Variants in NPC1 observed in about 807,000 individuals in gnomAD.
NPC1 encodes NPC intracellular cholesterol transporter 1.
In NPC1, 85 loss-of-function variants were observed where a neutral mutation model predicts 140.4. That is an observed-to-expected ratio of 0.61 (90% CI 0.51 to 0.72). The LOEUF is 0.72. NPC1 is among the 30% of genes least tolerant of loss of function. The pLI, the probability that NPC1 is intolerant of heterozygous loss-of-function variation, is 0.00. For synonymous variants in NPC1, 656 were observed against 624.8 expected (o/e 1.05, Z -0.74); for missense variants, 1,504 against 1,623.8 (o/e 0.93, Z 1.27).
intron 3 of NPC1, 112 bp downstream of exon 3, chr18:23,571,962 T>C (rs2059210505): frequency 1.9e-6 from 1 of 516,100 alleles, no homozygotes; most frequent in East Asian, 4.1e-5. Context: ...ATACATATAA[T>C]ATAGACATAT....
At chr18:23,539,304 A>G (rs1334494493) in intron 19 of NPC1, 51 bp downstream of exon 19, 1 of 1,331,464 alleles carries the variant, frequency 7.5e-7, no homozygotes, top group East Asian at 2.3e-5. Flanking sequence ...TTAAATGATA[A>G]TTTGAAAATT....
At chr18:23,527,162 T>C (rs369061098), downstream of NPC1, among the ~76,000 whole-genome samples, 1 of 145,984 alleles carries the variant, frequency 6.9e-6, no homozygotes. Flanking sequence ...AGCAGGAGGA[T>C]TGCCTGAGCC....
At chr18:23,547,550 G>A (rs1396386048) in intron 11 of NPC1, among the ~76,000 whole-genome samples, 1 of 152,118 alleles carries the variant, frequency 6.6e-6, no homozygotes, top group Non-Finnish European at 1.5e-5. Context: ...AGACCAGCCT[G>A]GGCACCATGG....
chr18:23,554,372 G>A (rs534260807), intron 9 of NPC1, among the ~76,000 whole-genome samples: 3 of 152,314 alleles, frequency 2.0e-5, no homozygotes, highest in East Asian at 1.9e-4. Context: ...TTGGGAGGCC[G>A]AGGTGGGCGG....
chr18:23,533,443 C>T lies in NPC1; in HGVS notation c.3666G>A (p.Gln1222=), dbSNP rs2058572490. The part of the protein sequence containing the change: ...VLAFAKSQIF[Q]IFYFRMYLAM... ...CCAAATACATCCTGAAGTAGAATAT[C>T]TGGAAAATTTGAGATTTGGCAAAAG... The change falls in exon 24 of 25, where the codon CAG becomes CAA. Residue 1222 remains glutamine, a synonymous_variant. Coordinates refer to ENST00000269228, the MANE Select transcript of NPC1 (RefSeq NM_000271.5). 1 of 1,614,162 alleles carries T rather than the reference C, an allele frequency of 6.2e-7. No homozygotes were observed. Among genetic ancestry groups the T allele is most frequent in the Non-Finnish European group, 8.5e-7 (1 of 1,180,006 alleles).
chr18:23,507,110 A>G lies in NPC1; in HGVS notation c.432-468T>C, dbSNP rs2057735026. On this transcript the variant is annotated intron_variant, in intron 3 of 3. Coordinates refer to the NPC1 transcript ENST00000591107. ...AGGGCATTAGAAATACATTTGGAAG[A>G]GAAGGAATCGCAAATTTTCAGTGTT... 5.5e-6 allele frequency: 7 copies of G among 1,283,058 alleles called. 1 individual carries two copies. In the South Asian group the frequency reaches 9.1e-5, roughly 17 times the overall value. The allele number at this position is 1,283,058 out of a possible 1,614,324, so 79.5% of individuals were successfully genotyped here.
downstream of NPC1, among the ~76,000 whole-genome samples, chr18:23,530,809 A>G (rs1204900339): frequency 6.6e-6 from 1 of 152,148 alleles, no homozygotes; most frequent in Non-Finnish European, 1.5e-5. Context: ...ATGCTCTGGA[A>G]CTCACCGAGG....
downstream of NPC1, among the ~76,000 whole-genome samples, chr18:23,520,770 C>G (rs1472445005): frequency 6.6e-6 from 1 of 151,746 alleles, no homozygotes; most frequent in Admixed American, 6.6e-5. Context: ...AGCAATTGAA[C>G]CAAGTATTCA....
At chr18:23,512,819 A>G (rs2057898663) in intron 3 of NPC1, among the ~76,000 whole-genome samples, 1 of 152,206 alleles carries the variant, frequency 6.6e-6, no homozygotes, top group South Asian at 2.1e-4. Flanking sequence ...AGTGTTAAGT[A>G]TATTCATTCA....
rs10715014 is a variant in NPC1, at chr18:23,571,232, TAA to T, written c.287+840_287+841del. The stretch of plus-strand genomic sequence containing the variant: ...CTTAAAACAAAACAAAAACTGACTT[TAA>T]AAAAAAAAAAAAACTGGCTGGGAAC... On this transcript the variant is annotated intron_variant, in intron 3 of 24. Coordinates refer to ENST00000269228, the MANE Select transcript of NPC1 (RefSeq NM_000271.5). 2.1e-3 allele frequency among the ~76,000 whole-genome samples: 303 copies of T among 147,048 alleles called. 2 individuals carry two copies. The highest frequency in any genetic ancestry group is 0.013 in the East Asian group (64 of 5,112).
chr18:23,520,165 T>A (rs773334610), downstream of NPC1: 3 of 1,513,352 alleles, frequency 2.0e-6, no homozygotes, highest in Admixed American at 1.7e-5. Flanking sequence ...CAAACCATGA[T>A]TGATTTTGGC....
chr18:23,519,002 C>G, downstream of NPC1: 1 of 1,613,242 alleles, frequency 6.2e-7, no homozygotes, highest in Non-Finnish European at 8.5e-7. Context: ...CTTTGTTTTC[C>G]CTCTCTCTCT....
At position 23,573,492 on chromosome 18, in the gene NPC1, G is replaced by A. The variant is rs2059232372; in HGVS notation, c.140C>T (p.Pro47Leu). The change falls in exon 2 of 25, where the codon CCA becomes CTA. Residue 47 changes from proline to leucine, a missense_variant. Pro to Leu is a moderately conservative substitution (Grantham distance 98). Coordinates refer to ENST00000269228, the MANE Select transcript of NPC1 (RefSeq NM_000271.5). ...DKRYNCEYSG[P>L]PKPLPKDGYD... ...TCCATCCTTTGGCAATGGTTTTGGT[G>A]GGCCAGAATATTCGCAATTGTACCT... 6.2e-7 allele frequency: 1 copy of A among 1,614,092 alleles called. No individual in the cohort carries two copies. Among genetic ancestry groups the A allele is most frequent in the Non-Finnish European group, 8.5e-7 (1 of 1,180,016 alleles).
intron 9 of NPC1, among the ~76,000 whole-genome samples, chr18:23,553,670 C>T (rs1373966455): frequency 1.3e-5 from 2 of 152,176 alleles, no homozygotes; most frequent in African/African-American, 4.8e-5. Flanking sequence ...GTCCCTAGGC[C>T]AGGTCCCTAG....
downstream of NPC1, chr18:23,530,158 C>T: frequency 2.5e-6 from 4 of 1,613,706 alleles, no homozygotes; most frequent in South Asian, 1.1e-5. Context: ...TTTTTACTTC[C>T]ATTGTGGTTA....
chr18:23,529,869 G>GT (rs1350260020), downstream of NPC1: 4 of 1,029,948 alleles, frequency 3.9e-6, no homozygotes, highest in Non-Finnish European at 5.8e-6. Flanking sequence ...AATGGGAAGT[G>GT]TAAGGTCAAG....
intron 1 of NPC1, among the ~76,000 whole-genome samples, chr18:23,582,820 A>G (rs1175177160): frequency 1.3e-5 from 2 of 151,402 alleles, no homozygotes; most frequent in African/African-American, 4.9e-5. Flanking sequence ...AAAAAAAAAA[A>G]AGATTCCAGG....
intron 3 of NPC1, chr18:23,516,104 G>A (rs2057997220): frequency 3.9e-6 from 6 of 1,521,732 alleles, no homozygotes; most frequent in African/African-American, 2.8e-5. Context: ...TAGCCGTAAC[G>A]TCACCGCTCT....
At chr18:23,555,651 G>C (rs998438267) in intron 8 of NPC1, among the ~76,000 whole-genome samples, 1 of 152,212 alleles carries the variant, frequency 6.6e-6, no homozygotes. Context: ...AGTTCTCCAA[G>C]GCAAGTGTGA....
Sources: gnomAD v4.1 joint callset for allele counts (sites outside exome capture counted in the v4.1 genomes callset) on GRCh38, gnomAD v4.1.1 for gene constraint, MANE v1.5 for transcripts, NCBI Gene and HGNC (gene_info 2026-07-23, HGNC 2026-07-21) for gene names.